Variants in CTNNA3 observed in about 807,000 individuals in gnomAD.
The protein encoded by CTNNA3 is catenin alpha 3, also known as catenin alpha-3.
In CTNNA3, 76 loss-of-function variants were observed where a neutral mutation model predicts 95.7. That is an observed-to-expected ratio of 0.79 (90% CI 0.66 to 0.96). CTNNA3 has a LOEUF of 0.96. Among genes scored for constraint, CTNNA3 ranks in the 40% least tolerant of loss-of-function variants. The probability of loss-of-function intolerance (pLI) is 0.00; values close to 1 mark genes in which losing one functional copy is unlikely to be tolerated. For synonymous variants in CTNNA3, 431 were observed against 374.4 expected (o/e 1.15, Z -1.74); for missense variants, 1,191 against 1,089.8 (o/e 1.09, Z -1.31).
At chr10:65,922,094 C>T (rs1307240572) in intron 17 of CTNNA3, among the ~76,000 whole-genome samples, 2 of 152,144 alleles carry the variant, frequency 1.3e-5, no homozygotes, top group Non-Finnish European at 2.9e-5. Context: ...AGGGCTGGAA[C>T]TGGAACCAAG....
chr10:66,468,056 G>A (rs1313873312), intron 11 of CTNNA3, among the ~76,000 whole-genome samples: 5 of 151,966 alleles, frequency 3.3e-5, no homozygotes, highest in African/African-American at 1.2e-4. Flanking sequence ...TTTACTAAAC[G>A]TATAACTATT....
At chr10:67,467,244 T>C (rs1847629935) in intron 5 of CTNNA3, among the ~76,000 whole-genome samples, 2 of 152,210 alleles carry the variant, frequency 1.3e-5, no homozygotes, top group South Asian at 4.1e-4. Context: ...ACTAAAAATC[T>C]ACAGTCTGAG....
chr10:67,249,897 C>A (rs1866039815), intron 5 of CTNNA3, among the ~76,000 whole-genome samples: 1 of 152,190 alleles, frequency 6.6e-6, no homozygotes, highest in Non-Finnish European at 1.5e-5. Context: ...AAAAAACCCA[C>A]ACAGACATGG....
chr10:66,433,696 T>C (rs1028269743), intron 11 of CTNNA3, among the ~76,000 whole-genome samples: 1 of 152,226 alleles, frequency 6.6e-6, no homozygotes, highest in Non-Finnish European at 1.5e-5. Context: ...GCTTTGGTGT[T>C]TTAGTCATGA....
intron 11 of CTNNA3, among the ~76,000 whole-genome samples, chr10:66,514,355 C>T (rs751899568): frequency 1.3e-5 from 2 of 152,068 alleles, no homozygotes; most frequent in Non-Finnish European, 2.9e-5. Flanking sequence ...GTTACTTGAA[C>T]TGGCGTAGTA....
At chr10:67,754,099 T>A (rs572126878) in intron 1 of CTNNA3, among the ~76,000 whole-genome samples, 5 of 152,080 alleles carry the variant, frequency 3.3e-5, no homozygotes, top group Non-Finnish European at 7.4e-5. Context: ...ATAAAGAAAA[T>A]GTGGTACATA....
chr10:66,935,354 A>G (rs548427931), intron 7 of CTNNA3, among the ~76,000 whole-genome samples: 49 of 152,248 alleles, frequency 3.2e-4, no homozygotes, highest in Non-Finnish European at 6.0e-4. Flanking sequence ...GAAGTTTACC[A>G]TAGTGAAAAC....
At chr10:67,373,573 G>A (rs2132709870) in intron 5 of CTNNA3, among the ~76,000 whole-genome samples, 1 of 152,194 alleles carries the variant, frequency 6.6e-6, no homozygotes, top group South Asian at 2.1e-4. Flanking sequence ...CCATGAGACA[G>A]AAAGTTAACA....
chr10:66,639,142 T>C (rs893617555), intron 9 of CTNNA3, among the ~76,000 whole-genome samples: 3 of 152,096 alleles, frequency 2.0e-5, no homozygotes, highest in Non-Finnish European at 2.9e-5. Flanking sequence ...AATCACTGTT[T>C]TGGGAGCCAC....
intron 5 of CTNNA3, among the ~76,000 whole-genome samples, chr10:67,451,947 A>C (rs930969749): frequency 6.6e-6 from 1 of 152,006 alleles, no homozygotes; most frequent in Non-Finnish European, 1.5e-5. Context: ...CACAATGTAC[A>C]ATGATCCGTG....
intron 2 of CTNNA3, among the ~76,000 whole-genome samples, chr10:67,635,550 C>A (rs375187943): frequency 6.6e-6 from 1 of 152,206 alleles, no homozygotes; most frequent in East Asian, 1.9e-4. Flanking sequence ...ATCACATAAA[C>A]AGAACTAAAG....
At chr10:67,301,758 G>T (rs1321700083) in intron 5 of CTNNA3, among the ~76,000 whole-genome samples, 1 of 152,108 alleles carries the variant, frequency 6.6e-6, no homozygotes, top group Non-Finnish European at 1.5e-5. Flanking sequence ...CACGAGGTCA[G>T]GAGATGGAGA....
chr10:67,558,924 G>A (rs554553792), intron 3 of CTNNA3, among the ~76,000 whole-genome samples: 17 of 152,310 alleles, frequency 1.1e-4, no homozygotes, highest in African/African-American at 1.9e-4. Flanking sequence ...AGGTGGCAGC[G>A]AGGCTGGGGG....
intron 7 of CTNNA3, among the ~76,000 whole-genome samples, chr10:66,890,629 G>A (rs1845232131): frequency 6.6e-6 from 1 of 152,116 alleles, no homozygotes; most frequent in African/African-American, 2.4e-5. Flanking sequence ...AGAGTGAATG[G>A]TGTATGAGGA....
chr10:67,275,288 C>G (rs1202506437), intron 5 of CTNNA3, among the ~76,000 whole-genome samples: 1 of 152,104 alleles, frequency 6.6e-6, no homozygotes, highest in Non-Finnish European at 1.5e-5. Flanking sequence ...CACACGTGCA[C>G]ACATAAGTGG....
At chr10:67,387,439 C>G (rs576205548) in intron 5 of CTNNA3, among the ~76,000 whole-genome samples, 1 of 152,094 alleles carries the variant, frequency 6.6e-6, no homozygotes, top group African/African-American at 2.4e-5. Context: ...ATTGCTAGCA[C>G]GGCAGTCTGA....
At chr10:67,184,304 T>C (rs562674285) in intron 6 of CTNNA3, among the ~76,000 whole-genome samples, 1 of 152,326 alleles carries the variant, frequency 6.6e-6, no homozygotes, top group South Asian at 2.1e-4. Flanking sequence ...TTGGTAGCCA[T>C]TGCTTTGACT....
chr10:67,268,918 G>A (rs1838833606), intron 5 of CTNNA3, among the ~76,000 whole-genome samples: 5 of 152,096 alleles, frequency 3.3e-5, no homozygotes, highest in Admixed American at 2.6e-4. Flanking sequence ...TAAAAAAAAT[G>A]TCCAAAAGAG....
intron 12 of CTNNA3, among the ~76,000 whole-genome samples, chr10:66,300,466 A>G (rs528128326): frequency 1.3e-5 from 2 of 152,092 alleles, no homozygotes; most frequent in Non-Finnish European, 2.9e-5. Context: ...GAAAGGGAGT[A>G]GTAGCTTTAT....
Sources: gnomAD v4.1 joint callset for allele counts (sites outside exome capture counted in the v4.1 genomes callset) on GRCh38, gnomAD v4.1.1 for gene constraint, MANE v1.5 for transcripts, NCBI Gene and HGNC (gene_info 2026-07-23, HGNC 2026-07-21) for gene names.